The following SV2C variants were observed in gnomAD, a reference collection of about 807,000 sequenced individuals.
SV2C encodes synaptic vesicle glycoprotein 2C, also known as solute carrier family 22 member B3.
A neutral mutation model predicts 79.7 loss-of-function variants in SV2C; 49 were observed. The observed-to-expected ratio is 0.61, with a 90% CI of 0.49 to 0.78. The LOEUF is 0.78. Ranked by LOEUF, SV2C falls within the 30% of genes least tolerant of loss-of-function variation. The pLI is 0.00. For missense variants in SV2C, 833 were observed against 912.9 expected (o/e 0.91, Z 1.13); for synonymous variants, 334 against 333.2 (o/e 1.00, Z -0.03).
chr5:75,978,693 C>A, the SV2C span, among the ~76,000 whole-genome samples: 1 of 152,164 alleles, frequency 6.6e-6, no homozygotes, highest in Non-Finnish European at 1.5e-5. Context: ...GTTGGTACCA[C>A]ACACAACACA....
At chr5:75,984,570 T>TCTATCTAC in the SV2C span, among the ~76,000 whole-genome samples, 4 of 68,460 alleles carry the variant, frequency 5.8e-5, no homozygotes, top group South Asian at 3.3e-4. Flanking sequence ...TCTATCTATA[T>TCTATCTAC]CTATCTATCT....
At chr5:76,109,551 G>A (rs1748034706) in intron 1 of SV2C, among the ~76,000 whole-genome samples, 1 of 152,164 alleles carries the variant, frequency 6.6e-6, no homozygotes, top group Admixed American at 6.6e-5. Context: ...GTGTGAATGT[G>A]CCCTTGTTTG....
At chr5:75,923,993 A>G in the SV2C span, among the ~76,000 whole-genome samples, 1 of 152,252 alleles carries the variant, frequency 6.6e-6, no homozygotes, top group Non-Finnish European at 1.5e-5. Context: ...AATTGCAAAG[A>G]TATGGAACCA....
intron 4 of SV2C, among the ~76,000 whole-genome samples, chr5:76,220,617 TAAAAA>T (rs5868813): frequency 7.8e-6 from 1 of 127,666 alleles, no homozygotes. Flanking sequence ...GACACTGTCT[TAAAAA>T]AAAAAAAAAA....
chr5:76,162,980 G>A (rs1206931950), intron 2 of SV2C, among the ~76,000 whole-genome samples: 1 of 152,138 alleles, frequency 6.6e-6, no homozygotes, highest in Non-Finnish European at 1.5e-5. Flanking sequence ...TTTATATCAT[G>A]GAGCACATAT....
At chr5:75,976,709 T>A in the SV2C span, among the ~76,000 whole-genome samples, 1 of 152,152 alleles carries the variant, frequency 6.6e-6, no homozygotes, top group Non-Finnish European at 1.5e-5. Flanking sequence ...TTCAGTAAGT[T>A]CTTTATGGAA....
intron 12 of SV2C, among the ~76,000 whole-genome samples, chr5:76,348,924 A>G (rs1483390338): frequency 6.7e-6 from 1 of 149,374 alleles, no homozygotes; most frequent in Admixed American, 6.6e-5. Flanking sequence ...GCTTGAACCC[A>G]GGAGGCAGAG....
the SV2C span, among the ~76,000 whole-genome samples, chr5:76,035,330 T>G: frequency 6.6e-6 from 1 of 152,162 alleles, no homozygotes; most frequent in African/African-American, 2.4e-5. Context: ...CTAGTTCTTT[T>G]AATTGTGATG....
At chr5:75,946,851 C>G in the SV2C span, among the ~76,000 whole-genome samples, 3 of 152,066 alleles carry the variant, frequency 2.0e-5, no homozygotes, top group African/African-American at 7.2e-5. Context: ...GTACATGACT[C>G]TATCCATTCA....
the SV2C span, among the ~76,000 whole-genome samples, chr5:75,902,514 T>G: frequency 6.6e-6 from 1 of 152,242 alleles, no homozygotes; most frequent in Non-Finnish European, 1.5e-5. Flanking sequence ...CCTTTGGATT[T>G]GGCCATTTGT....
At chr5:76,100,991 G>A (rs1370365540) in intron 1 of SV2C, among the ~76,000 whole-genome samples, 3 of 152,132 alleles carry the variant, frequency 2.0e-5, no homozygotes, top group African/African-American at 2.4e-5. Context: ...AATTGCCCTC[G>A]TTTAATAACC....
the SV2C span, among the ~76,000 whole-genome samples, chr5:75,860,355 T>C: frequency 6.6e-6 from 1 of 152,148 alleles, no homozygotes; most frequent in Non-Finnish European, 1.5e-5. Flanking sequence ...GCCATTACTT[T>C]AAAAACTAAT....
At chr5:75,855,455 C>T in the SV2C span, among the ~76,000 whole-genome samples, 4 of 151,908 alleles carry the variant, frequency 2.6e-5, no homozygotes, top group African/African-American at 9.7e-5. Flanking sequence ...TTGTGCTTTG[C>T]AGATAATTTT....
chr5:75,986,008 G>T, the SV2C span, among the ~76,000 whole-genome samples: 3 of 150,704 alleles, frequency 2.0e-5, no homozygotes. Context: ...CACTGTTTTT[G>T]AATTGATTGT....
the SV2C span, among the ~76,000 whole-genome samples, chr5:75,862,607 A>G: frequency 2.0e-5 from 3 of 152,148 alleles, no homozygotes; most frequent in Admixed American, 6.5e-5. Context: ...CTTCACGAGG[A>G]AAAAAATCTC....
At chr5:75,962,440 G>A in the SV2C span, among the ~76,000 whole-genome samples, 149 of 152,178 alleles carry the variant, frequency 9.8e-4, 4 homozygotes, top group East Asian at 0.027. Flanking sequence ...ATAAGGCAAT[G>A]TATTGACTTA....
At chr5:76,010,183 C>G in the SV2C span, among the ~76,000 whole-genome samples, 8 of 151,848 alleles carry the variant, frequency 5.3e-5, no homozygotes, top group Admixed American at 5.3e-4. Context: ...CAGTTGCAGT[C>G]CAGAATGTAG....
At chr5:75,865,490 C>T in the SV2C span, among the ~76,000 whole-genome samples, 1,588 of 152,334 alleles carry the variant, frequency 0.01, 16 homozygotes, top group Middle Eastern at 0.027. Context: ...ATTAGAGCCA[C>T]ATCCAGAAGT....
chr5:76,056,204 G>T, the SV2C span, among the ~76,000 whole-genome samples: 1 of 152,120 alleles, frequency 6.6e-6, no homozygotes. Context: ...AACATGAAGG[G>T]CTGTTGAATT....
Sources: gnomAD v4.1 joint callset for allele counts (sites outside exome capture counted in the v4.1 genomes callset) on GRCh38, gnomAD v4.1.1 for gene constraint, MANE v1.5 for transcripts, NCBI Gene and HGNC (gene_info 2026-07-23, HGNC 2026-07-21) for gene names.